ZFPM2: variants seen among roughly 807,000 people sequenced by gnomAD.
The protein encoded by ZFPM2 is zinc finger protein, FOG family member 2, also known as zinc finger protein ZFPM2.
In ZFPM2, 20 loss-of-function variants were observed where a neutral mutation model predicts 98.6. The observed-to-expected ratio is 0.20, with a 90% confidence interval of 0.14 to 0.29. The LOEUF (loss-of-function observed/expected upper bound fraction) is 0.29. Among genes scored for constraint, ZFPM2 ranks in the 10% least tolerant of loss-of-function variants. ZFPM2 has a pLI of 1.00. For missense variants in ZFPM2, 1,310 were observed against 1,388.6 expected, an observed-to-expected ratio of 0.94 and a Z score of 0.90; for synonymous variants, 518 against 502.7, an observed-to-expected ratio of 1.03 and a Z score of -0.41.
intron 3 of ZFPM2, among the ~76,000 whole-genome samples, chr8:105,476,726 A>G (rs1813019171): frequency 6.6e-6 from 1 of 152,178 alleles, no homozygotes; most frequent in Admixed American, 6.5e-5. Flanking sequence ...TTGAATAAAT[A>G]TAGAACTTAA....
chr8:105,649,479 C>G (rs551273131), intron 5 of ZFPM2, among the ~76,000 whole-genome samples: 1 of 152,240 alleles, frequency 6.6e-6, no homozygotes, highest in East Asian at 1.9e-4. Flanking sequence ...GGAAATGCTT[C>G]TAGTTTTGGC....
At position 105,801,936 on chromosome 8, in the gene ZFPM2, T is replaced by C. The variant is rs762532160; in HGVS notation, c.1854T>C (p.Asn618=). ...NPAAHSADPE[N]PLLQTSCINS... ...CTGCTCATTCTGCTGATCCTGAGAATCCACTTCTTCAAACATCTTGCATCA... is the reference window on the plus strand; with the variant it reads ...CTGCTCATTCTGCTGATCCTGAGAACCCACTTCTTCAAACATCTTGCATCA... Residue 618 remains asparagine, a synonymous_variant, in exon 8 of 8, where the codon AAT becomes AAC. Transcript: ENST00000407775. 4.3e-6 allele frequency: 7 copies of C among 1,613,788 alleles called. No homozygotes were observed. In the Admixed American group the frequency reaches 1.2e-4, roughly 27 times the overall value.
rs1429126935 is a variant in ZFPM2 at position 105,513,663 on chromosome 8, C to T, written c.302-47700C>T. ...ACATTTGCATTTTTCTTTGTGCCTG[C>T]ATTCTTCAAGTATTTGAATCAGTAT... is the stretch of plus-strand genomic sequence containing the variant. On this transcript the variant is annotated intron_variant, in intron 3 of 7. Transcript: ENST00000407775. Among the ~76,000 whole-genome samples, 5 of 152,192 alleles carry T rather than the reference C, an allele frequency of 3.3e-5. No individual in the cohort carries two copies. The East Asian group carries it at 9.6e-4, about 29-fold the overall frequency.
At chr8:105,487,892 G>GTCTATCTATCTATCTATCTATCTA (rs752314176) in intron 3 of ZFPM2, among the ~76,000 whole-genome samples, 1 of 103,344 alleles carries the variant, frequency 9.7e-6, no homozygotes, top group Admixed American at 9.6e-5. Flanking sequence ...AAGTCTGTCT[G>GTCTATCTATCTATCTATCTATCTA]TCTATCTATC....
At position 105,349,387 on chromosome 8, in the gene ZFPM2, A is replaced by C. The variant is rs892319122; in HGVS notation, c.40+30406A>C. ...TGGTCTGTAATTGTATACAAACCTT[A>C]TAACAAAGAAAGTGACAACAAAACC... On this transcript the variant is annotated intron_variant, in intron 1 of 7. Coordinates refer to ENST00000407775, the MANE Select transcript of ZFPM2 (RefSeq NM_012082.4). Among the ~76,000 whole-genome samples, 89 of 152,336 alleles carry C rather than the reference A, an allele frequency of 5.8e-4. 1 individual carries two copies. The highest frequency in any genetic ancestry group is 2.1e-3 in the African/African-American group (87 of 41,582).
intron 5 of ZFPM2, among the ~76,000 whole-genome samples, chr8:105,783,726 A>C (rs954183381): frequency 6.6e-6 from 1 of 152,226 alleles, no homozygotes; most frequent in Non-Finnish European, 1.5e-5. Flanking sequence ...GTTTCTTTTC[A>C]AGGCGGAATA....
intron 1 of ZFPM2, among the ~76,000 whole-genome samples, chr8:105,386,215 G>A (rs1047480356): frequency 1.3e-5 from 2 of 151,958 alleles, no homozygotes; most frequent in Admixed American, 6.5e-5. Flanking sequence ...CCGAAAGTAG[G>A]GTATTTTTTA....
intron 5 of ZFPM2, among the ~76,000 whole-genome samples, chr8:105,720,235 T>C (rs573857130): frequency 6.6e-6 from 1 of 151,986 alleles, no homozygotes; most frequent in African/African-American, 2.4e-5. Context: ...CTCATGTCCT[T>C]ATGAGCTGCC....
At chr8:105,478,309 T>C (rs1813051111) in intron 3 of ZFPM2, among the ~76,000 whole-genome samples, 1 of 152,218 alleles carries the variant, frequency 6.6e-6, no homozygotes, top group African/African-American at 2.4e-5. Flanking sequence ...TGAATGATAA[T>C]GTATGTTGAA....
chr8:105,577,832 A>T (rs568690765), intron 4 of ZFPM2, among the ~76,000 whole-genome samples: 1 of 151,726 alleles, frequency 6.6e-6, no homozygotes, highest in South Asian at 2.1e-4. Context: ...GTGCTTCCAT[A>T]TTATTTGATC....
At chr8:105,673,298 A>G (rs561134913) in intron 5 of ZFPM2, among the ~76,000 whole-genome samples, 2 of 150,256 alleles carry the variant, frequency 1.3e-5, no homozygotes, top group African/African-American at 2.4e-5. Context: ...ATTTTGTAAC[A>G]GCACCCAGGA....
intron 3 of ZFPM2, among the ~76,000 whole-genome samples, chr8:105,520,036 C>A (rs1814016813): frequency 6.6e-6 from 1 of 152,006 alleles, no homozygotes; most frequent in African/African-American, 2.4e-5. Flanking sequence ...TTTTGATAAA[C>A]TATTTTGTTA....
chr8:105,701,818 T>A (rs568056670), intron 5 of ZFPM2, among the ~76,000 whole-genome samples: 1 of 152,182 alleles, frequency 6.6e-6, no homozygotes, highest in South Asian at 2.1e-4. Context: ...GTATATATAT[T>A]TTTTAAGCCA....
intron 1 of ZFPM2, among the ~76,000 whole-genome samples, chr8:105,375,236 G>T (rs1055728885): frequency 2.6e-5 from 4 of 152,110 alleles, no homozygotes; most frequent in African/African-American, 9.7e-5. Flanking sequence ...CCACACTTGA[G>T]AAAGGAAAAT....
chr8:105,345,240 A>G (rs1231618163), intron 1 of ZFPM2, among the ~76,000 whole-genome samples: 2 of 152,098 alleles, frequency 1.3e-5, no homozygotes, highest in African/African-American at 2.4e-5. Context: ...ATCATAAATC[A>G]GTAATAATAG....
intron 1 of ZFPM2, among the ~76,000 whole-genome samples, chr8:105,354,625 T>C (rs1337088549): frequency 2.6e-5 from 4 of 152,210 alleles, no homozygotes; most frequent in Non-Finnish European, 4.4e-5. Context: ...CATTCCTTAA[T>C]TGTGTTCTGT....
chr8:105,798,675 G>A (rs1414160626), intron 6 of ZFPM2, 49 bp from the exon 7 acceptor site: 1 of 1,519,494 alleles, frequency 6.6e-7, no homozygotes, highest in Non-Finnish European at 9.0e-7. Context: ...ACCCACAGTT[G>A]GTTTCAAATG....
At chr8:105,572,501 G>A (rs914226018) in intron 4 of ZFPM2, among the ~76,000 whole-genome samples, 1 of 150,436 alleles carries the variant, frequency 6.6e-6, no homozygotes, top group Non-Finnish European at 1.5e-5. Flanking sequence ...GAGTTTTGCT[G>A]TTGTTCCCCA....
intron 3 of ZFPM2, among the ~76,000 whole-genome samples, chr8:105,517,144 C>T (rs1462557625): frequency 5.3e-5 from 8 of 152,146 alleles, no homozygotes; most frequent in South Asian, 4.2e-4. Context: ...AGGACTTAAG[C>T]TTGTTCCGAT....
Sources: gnomAD v4.1 joint callset for allele counts (sites outside exome capture counted in the v4.1 genomes callset) on GRCh38, gnomAD v4.1.1 for gene constraint, MANE v1.5 for transcripts, NCBI Gene and HGNC (gene_info 2026-07-23, HGNC 2026-07-21) for gene names.